QSER1: variants seen among roughly 807,000 people sequenced by gnomAD.
QSER1 encodes the protein glutamine and serine-rich protein 1.
A neutral mutation model predicts 158.5 loss-of-function variants in QSER1; 49 were observed. The ratio of observed to expected loss-of-function variants is 0.31; its 90% confidence interval spans 0.25 to 0.39. The LOEUF is 0.39. QSER1 is among the 10% of genes least tolerant of loss of function. The pLI, the probability that QSER1 is intolerant of heterozygous loss-of-function variation, is 1.00. For synonymous variants in QSER1, 650 were observed against 715.5 expected (o/e 0.91, Z 1.46); for missense variants, 1,754 against 2,010.3 (o/e 0.87, Z 2.44).
chr11:32,934,717 A>G lies in QSER1; in HGVS notation c.3459A>G (p.Glu1153=). 1 of 1,613,804 alleles carries G rather than the reference A, an allele frequency of 6.2e-7. No homozygotes were observed. Among genetic ancestry groups the G allele is most frequent in the Non-Finnish European group, 8.5e-7 (1 of 1,179,892 alleles). The change falls in exon 4 of 13, where the codon GAA becomes GAG. Residue 1153 remains glutamate (E), a synonymous_variant. Transcript: ENST00000650167. ...GAGAGAATGCTACATCAGAGAGTGA[A>G]TTTACCTTAGGGGGTGACGACAGTG... The part of the protein sequence containing the change: ...ISGENATSES[E]FTLGGDDSGV...
At chr11:32,972,767 G>T (rs1012352450) in intron 10 of QSER1, among the ~76,000 whole-genome samples, 1 of 152,108 alleles carries the variant, frequency 6.6e-6, no homozygotes, top group East Asian at 1.9e-4. Context: ...GAGTGGAATT[G>T]GTTTTGCCAC....
chr11:32,970,065 G>A (rs1852824303), intron 10 of QSER1, among the ~76,000 whole-genome samples: 1 of 152,156 alleles, frequency 6.6e-6, no homozygotes, highest in Non-Finnish European at 1.5e-5. Context: ...TGATTACTCC[G>A]TAGCCTTTCT....
At chr11:32,971,146 G>A (rs1564949153) in intron 10 of QSER1, among the ~76,000 whole-genome samples, 1 of 151,750 alleles carries the variant, frequency 6.6e-6, no homozygotes, top group Non-Finnish European at 1.5e-5. Flanking sequence ...TTGAACTCCT[G>A]ACTTCAAGTG....
At chr11:32,901,262 A>G (rs1851621754) in intron 1 of QSER1, among the ~76,000 whole-genome samples, 2 of 152,256 alleles carry the variant, frequency 1.3e-5, no homozygotes. Context: ...GATAGCATAT[A>G]GATTATTAAC....
intron 1 of QSER1, among the ~76,000 whole-genome samples, chr11:32,925,793 A>G (rs576532751): frequency 2.6e-5 from 4 of 151,956 alleles, no homozygotes; most frequent in African/African-American, 9.6e-5. Context: ...CTCCCAAAGT[A>G]CTGGGATTAC....
chr11:32,932,383 C>T lies in QSER1; in HGVS notation c.1125C>T (p.Asn375=), dbSNP rs761334527. 4.4e-5 allele frequency: 71 copies of T among 1,612,288 alleles called. No homozygotes were observed. Among genetic ancestry groups the T allele is most frequent in the Middle Eastern group, 1.6e-4 (1 of 6,084 alleles). The change falls in exon 4 of 13, where the codon AAC becomes AAT. Residue 375 remains asparagine (N), a synonymous_variant. Transcript: ENST00000650167. The part of the protein sequence containing the change: ...SPIGDSTQVS[N]GGLQQKTSQV... ...TTGGAGATTCCACTCAGGTGAGCAA[C>T]GGAGGATTACAACAGAAGACCTCCC...
At chr11:32,924,437 A>G (rs894793460) in intron 1 of QSER1, among the ~76,000 whole-genome samples, 4 of 151,344 alleles carry the variant, frequency 2.6e-5, no homozygotes, top group African/African-American at 4.9e-5. Flanking sequence ...GTGCACGCCT[A>G]TGGTCCCAGC....
intron 4 of QSER1, among the ~76,000 whole-genome samples, chr11:32,936,610 C>G (rs1265230233): frequency 6.6e-6 from 1 of 152,134 alleles, no homozygotes; most frequent in Non-Finnish European, 1.5e-5. Flanking sequence ...ACATTGTTAT[C>G]TCCAATATAC....
intron 8 of QSER1, among the ~76,000 whole-genome samples, chr11:32,959,761 G>A (rs149926524): frequency 9.9e-4 from 151 of 152,120 alleles, no homozygotes; most frequent in African/African-American, 3.4e-3. Flanking sequence ...TAAATTTACC[G>A]TTTTTATTTT....
Position 32,934,084 on chromosome 11 carries a change from C to T in QSER1, c.2826C>T (p.Gly942=). ...TACAACAACATCTAACAACAAAGGG[C>T]CATTTTAGTGAAACAAATCAACATG... ...KPLQQHLTTK[G]HFSETNQHDS... is the part of the protein sequence containing the mutation. Residue 942 remains glycine (G), a synonymous_variant, in exon 4 of 13, where the codon GGC becomes GGT. Coordinates refer to ENST00000650167, the MANE Select transcript of QSER1 (RefSeq NM_001076786.3). 1 of 1,613,892 alleles carries T rather than the reference C, an allele frequency of 6.2e-7. No individual in the cohort carries two copies. The highest frequency in any genetic ancestry group is 8.5e-7 in the Non-Finnish European group (1 of 1,179,968).
chr11:32,922,930 A>AT (rs1251217927), intron 1 of QSER1, among the ~76,000 whole-genome samples: 1 of 152,202 alleles, frequency 6.6e-6, no homozygotes, highest in African/African-American at 2.4e-5. Flanking sequence ...TTAAAGATAC[A>AT]TTACTGTATA....
At chr11:32,938,485 C>T (rs1852185384) in intron 4 of QSER1, among the ~76,000 whole-genome samples, 1 of 152,162 alleles carries the variant, frequency 6.6e-6, no homozygotes, top group African/African-American at 2.4e-5. Flanking sequence ...AATGAAGTCA[C>T]AGAGATATAT....
In QSER1 at chr11:32,916,377, T is replaced by G. The variant is rs568037090; in HGVS notation, c.210-10780T>G. Among the ~76,000 whole-genome samples, 12 of 152,332 alleles carry G rather than the reference T, an allele frequency of 7.9e-5. No homozygotes were observed. In the East Asian group the frequency reaches 2.3e-3, roughly 29 times the overall value. On this transcript the variant is annotated intron_variant, in intron 1 of 12. Transcript: ENST00000650167. ...ATACCCAGTAGCAGTCTTTTCCTAGTTTCCCCTCTCCCCAGACCCTAGCAA... is the reference window on the plus strand; with the variant it reads ...ATACCCAGTAGCAGTCTTTTCCTAGGTTCCCCTCTCCCCAGACCCTAGCAA...
At chr11:32,898,482 TCACA>T (rs71034630) in intron 1 of QSER1, among the ~76,000 whole-genome samples, 27,269 of 142,772 alleles carry the variant, frequency 0.19, 2,664 homozygotes, top group East Asian at 0.31. Context: ...TGAGAACCTG[TCACA>T]CACACACACA....
intron 4 of QSER1, among the ~76,000 whole-genome samples, chr11:32,944,337 A>G (rs1387872882): frequency 3.5e-5 from 5 of 142,930 alleles, no homozygotes; most frequent in African/African-American, 5.2e-5. Flanking sequence ...TAGGGTGTCA[A>G]TTTTGGATCT....
In QSER1 at chr11:32,934,370, A is replaced by G. The variant is rs756043341; in HGVS notation, c.3112A>G (p.Thr1038Ala). The change falls in exon 4 of 13, where the codon ACA becomes GCA. Residue 1038 changes from threonine to alanine, a missense_variant. By Grantham distance (58) the Thr-to-Ala change is moderately conservative. Coordinates refer to ENST00000650167, the MANE Select transcript of QSER1 (RefSeq NM_001076786.3). Reference protein sequence around the residue: ...VTSDFNSMTATVGKPQNINDT... With the variant: ...VTSDFNSMTAAVGKPQNINDT... ...TTCAGATTTTAACTCTATGACAGCT[A>G]CAGTAGGAAAGCCACAGAATATAAA... 1.2e-6 allele frequency: 2 copies of G among 1,613,920 alleles called. No individual in the cohort carries two copies. The highest frequency in any genetic ancestry group is 1.7e-6 in the Non-Finnish European group (2 of 1,179,960).
At chr11:32,974,904 T>C (rs1024844937) in intron 11 of QSER1, among the ~76,000 whole-genome samples, 1 of 152,128 alleles carries the variant, frequency 6.6e-6, no homozygotes, top group Non-Finnish European at 1.5e-5. Context: ...GGGAAAACAT[T>C]AAAAAATATA....
At chr11:32,910,184 G>A (rs1851748755) in intron 1 of QSER1, among the ~76,000 whole-genome samples, 1 of 152,130 alleles carries the variant, frequency 6.6e-6, no homozygotes, top group Admixed American at 6.5e-5. Flanking sequence ...CCTTTGGTTT[G>A]GGGCAGGGCT....
At position 32,961,073 on chromosome 11, in the gene QSER1, T is replaced by A. The variant is rs186821728; in HGVS notation, c.4969+2987T>A. Reference sequence around the variant, plus strand: ...ACTTATTAATGTGAGGTGTTTTTTTTAAAACAACTATACTTTCCAAAACTA... The same window carrying A: ...ACTTATTAATGTGAGGTGTTTTTTTAAAAACAACTATACTTTCCAAAACTA... On this transcript the variant is annotated intron_variant, in intron 8 of 12. Coordinates refer to ENST00000650167, the MANE Select transcript of QSER1 (RefSeq NM_001076786.3). 2.4e-4 allele frequency among the ~76,000 whole-genome samples: 37 copies of A among 152,332 alleles called. 1 individual carries two copies. Among genetic ancestry groups the A allele is most frequent in the Admixed American group, 1.6e-3 (24 of 15,298 alleles).
Sources: gnomAD v4.1 joint callset for allele counts (sites outside exome capture counted in the v4.1 genomes callset) on GRCh38, gnomAD v4.1.1 for gene constraint, MANE v1.5 for transcripts, NCBI Gene and HGNC (gene_info 2026-07-23, HGNC 2026-07-21) for gene names.